HDAC9: variants seen among roughly 807,000 people sequenced by gnomAD.
HDAC9 encodes the protein histone deacetylase 9.
Under a neutral mutation model 139.4 loss-of-function variants are expected in HDAC9, and 41 were observed. The observed-to-expected ratio is 0.29, with a 90% CI of 0.23 to 0.38. HDAC9 has a LOEUF of 0.38. HDAC9 is among the 10% of genes least tolerant of loss of function. HDAC9 has a pLI of 1.00. For missense variants in HDAC9, 1,147 were observed against 1,297.0 expected, an observed-to-expected ratio of 0.88 and a Z score of 1.78; for synonymous variants, 517 against 476.2, an observed-to-expected ratio of 1.09 and a Z score of -1.12.
intron 2 of HDAC9, among the ~76,000 whole-genome samples, chr7:18,283,490 G>A (rs1797237130): frequency 1.3e-5 from 2 of 152,174 alleles, no homozygotes; most frequent in Admixed American, 6.5e-5. Context: ...TTTAAATGTA[G>A]TGGAATACCA....
At chr7:18,557,197 A>T (rs1201342787) in intron 2 of HDAC9, among the ~76,000 whole-genome samples, 2 of 151,970 alleles carry the variant, frequency 1.3e-5, no homozygotes, top group Admixed American at 6.6e-5. Flanking sequence ...GCTCTTTTGG[A>T]GTTCTGTTAT....
intron 1 of HDAC9, among the ~76,000 whole-genome samples, chr7:18,415,653 G>A (rs978400950): frequency 6.6e-6 from 1 of 152,114 alleles, no homozygotes; most frequent in Non-Finnish European, 1.5e-5. Flanking sequence ...AACTTCATGT[G>A]GTGAAACGTG....
At chr7:18,995,468 CTATT>C (rs1436550810) in intron 25 of HDAC9, among the ~76,000 whole-genome samples, 1 of 152,220 alleles carries the variant, frequency 6.6e-6, no homozygotes, top group East Asian at 1.9e-4. Flanking sequence ...CGAATAAAAA[CTATT>C]TACACACTAC....
chr7:18,534,725 G>A (rs188857705), intron 2 of HDAC9, among the ~76,000 whole-genome samples: 3 of 152,190 alleles, frequency 2.0e-5, no homozygotes. Flanking sequence ...TTGTGGAACT[G>A]CACTCGATCC....
chr7:18,120,189 A>G (rs1022078658), intron 1 of HDAC9, among the ~76,000 whole-genome samples: 8 of 152,138 alleles, frequency 5.3e-5, no homozygotes. Context: ...AGAAGGGAGG[A>G]GTGCTACTGG....
chr7:18,777,905 C>G (rs1283142873), intron 16 of HDAC9, among the ~76,000 whole-genome samples: 2 of 151,906 alleles, frequency 1.3e-5, no homozygotes, highest in African/African-American at 2.4e-5. Context: ...ATTCTTTACA[C>G]AAACCTTCCA....
intron 12 of HDAC9, chr7:18,667,346 G>A: frequency 1.0e-6 from 1 of 984,366 alleles, no homozygotes; most frequent in Non-Finnish European, 1.2e-6. Context: ...CTGATATCAA[G>A]TCAAAATCAG....
chr7:18,443,190 T>A (rs1429797504), intron 1 of HDAC9, among the ~76,000 whole-genome samples: 3 of 152,210 alleles, frequency 2.0e-5, no homozygotes. Context: ...CTTGAGTTTT[T>A]TTTTCTGAAG....
intron 2 of HDAC9, among the ~76,000 whole-genome samples, chr7:18,208,917 G>C (rs948819679): frequency 6.6e-6 from 1 of 152,162 alleles, no homozygotes; most frequent in Non-Finnish European, 1.5e-5. Flanking sequence ...TTACTCATAT[G>C]TGCATTTTTT....
intron 2 of HDAC9, among the ~76,000 whole-genome samples, chr7:18,179,939 T>C (rs2128140012): frequency 6.6e-6 from 1 of 152,260 alleles, no homozygotes; most frequent in South Asian, 2.1e-4. Context: ...TATCCTTTTT[T>C]GAATGTCACA....
Position 18,937,197 on chromosome 7 carries a change from G to A in HDAC9, c.2937+1255G>A, listed in dbSNP as rs377721850. ...TGGGATTACAGGTGTGCACCATCAC[G>A]CCCAGCTAATTTTTGTATTTTTAGT... On this transcript the variant is annotated intron_variant, in intron 23 of 25. Coordinates refer to ENST00000686413, the MANE Select transcript of HDAC9 (RefSeq NM_178425.4). 1.6e-4 allele frequency among the ~76,000 whole-genome samples: 24 copies of A among 151,822 alleles called. No individual in the cohort carries two copies. In the South Asian group the frequency reaches 3.3e-3, roughly 21 times the overall value.
intron 6 of HDAC9, among the ~76,000 whole-genome samples, chr7:18,599,394 A>G (rs1000299958): frequency 2.0e-5 from 3 of 152,182 alleles, no homozygotes; most frequent in Non-Finnish European, 2.9e-5. Flanking sequence ...ATCATGTCAT[A>G]TATCCACCAT....
intron 1 of HDAC9, among the ~76,000 whole-genome samples, chr7:18,404,436 G>A (rs1353315388): frequency 6.6e-6 from 1 of 152,168 alleles, no homozygotes; most frequent in Admixed American, 6.5e-5. Flanking sequence ...GTATATTGGA[G>A]AATTATGCTA....
chr7:18,232,593 A>G (rs1364170451), intron 2 of HDAC9, among the ~76,000 whole-genome samples: 2 of 152,188 alleles, frequency 1.3e-5, no homozygotes, highest in African/African-American at 4.8e-5. Flanking sequence ...ATGTCCCTAG[A>G]GGCATGGATT....
intron 1 of HDAC9, among the ~76,000 whole-genome samples, chr7:18,134,695 C>T (rs867288298): frequency 2.6e-5 from 4 of 152,118 alleles, no homozygotes; most frequent in African/African-American, 9.7e-5. Flanking sequence ...TCTCCATGCC[C>T]GTTCTTACCC....
At chr7:18,361,750 A>G (rs1315166040) in intron 1 of HDAC9, among the ~76,000 whole-genome samples, 1 of 151,856 alleles carries the variant, frequency 6.6e-6, no homozygotes, top group African/African-American at 2.4e-5. Context: ...CAAATGTGTA[A>G]TTTTCCAAAT....
At chr7:18,646,203 T>C (rs1787346418) in intron 9 of HDAC9, among the ~76,000 whole-genome samples, 1 of 152,156 alleles carries the variant, frequency 6.6e-6, no homozygotes, top group Non-Finnish European at 1.5e-5. Context: ...AAACTTCTTA[T>C]GACACATGAA....
chr7:18,366,168 T>G (rs148044131), intron 1 of HDAC9, among the ~76,000 whole-genome samples: 197 of 152,206 alleles, frequency 1.3e-3, no homozygotes, highest in Non-Finnish European at 1.3e-3. Context: ...TATATAGAGA[T>G]AAGGTGGAGG....
At chr7:18,889,372 GC>G (rs1174614913) in intron 22 of HDAC9, among the ~76,000 whole-genome samples, 3 of 151,918 alleles carry the variant, frequency 2.0e-5, no homozygotes, top group Non-Finnish European at 4.4e-5. Context: ...GTCCCCAGGG[GC>G]TAAAATATCA....
Sources: allele counts gnomAD v4.1 joint callset (sites outside exome capture counted in the v4.1 genomes callset), GRCh38; gene constraint gnomAD v4.1.1; transcripts MANE v1.5; gene names NCBI Gene and HGNC (gene_info 2026-07-23, HGNC 2026-07-21).